EFCAB5: variants seen among roughly 807,000 people sequenced by gnomAD.
EFCAB5 encodes EF-hand calcium-binding domain-containing protein 5.
Under a neutral mutation model 167.9 loss-of-function variants are expected in EFCAB5, and 131 were observed. That is an observed-to-expected ratio of 0.78 (90% CI 0.68 to 0.90). The LOEUF is 0.90. Among genes scored for constraint, EFCAB5 ranks in the 40% least tolerant of loss-of-function variants. The pLI is 0.00. For missense variants in EFCAB5, 1,663 were observed against 1,745.2 expected (o/e 0.95, Z 0.84); for synonymous variants, 574 against 602.8 (o/e 0.95, Z 0.70).
At chr17:29,953,533 C>G (rs1467545609) in intron 3 of EFCAB5, among the ~76,000 whole-genome samples, 1 of 152,164 alleles carries the variant, frequency 6.6e-6, no homozygotes, top group Non-Finnish European at 1.5e-5. Context: ...TACTTGCCAC[C>G]ATGTAAGACC....
intron 17 of EFCAB5, among the ~76,000 whole-genome samples, chr17:30,081,212 T>C (rs190583326): frequency 1.4e-4 from 22 of 152,300 alleles, no homozygotes; most frequent in Admixed American, 1.2e-3. Context: ...ATGTGTCCCA[T>C]AGCATTAATC....
chr17:29,962,787 C>A (rs1374991718), intron 3 of EFCAB5, among the ~76,000 whole-genome samples: 1 of 151,804 alleles, frequency 6.6e-6, no homozygotes, highest in East Asian at 1.9e-4. Context: ...AATTTGGATG[C>A]CTTTTGTTTG....
At chr17:29,941,449 A>C (rs1160427164), upstream of EFCAB5, among the ~76,000 whole-genome samples, 1 of 152,146 alleles carries the variant, frequency 6.6e-6, no homozygotes, top group Non-Finnish European at 1.5e-5. Context: ...TATCTCAAAA[A>C]TTAATGAGGA....
chr17:30,029,169 T>G (rs184803089), intron 7 of EFCAB5, among the ~76,000 whole-genome samples: 13 of 152,320 alleles, frequency 8.5e-5, no homozygotes, highest in Non-Finnish European at 1.5e-4. Context: ...TAAAAGTATG[T>G]TACTACTTTG....
intron 6 of EFCAB5, 48 bp downstream of exon 6, chr17:29,996,408 G>C (rs1465295451): frequency 2.1e-6 from 3 of 1,445,670 alleles, no homozygotes; most frequent in Admixed American, 2.2e-5. Context: ...TTCTTTTTTG[G>C]GTGGGGGACA....
intron 8 of EFCAB5, among the ~76,000 whole-genome samples, chr17:30,049,240 G>A (rs1328392889): frequency 6.6e-6 from 1 of 152,104 alleles, no homozygotes; most frequent in African/African-American, 2.4e-5. Flanking sequence ...TTTTTGCTTT[G>A]GGAGGCTGAG....
At chr17:29,930,481 G>A (rs2067175061) in intron 1 of EFCAB5, among the ~76,000 whole-genome samples, 3 of 152,170 alleles carry the variant, frequency 2.0e-5, no homozygotes, top group Admixed American at 6.5e-5. Context: ...GGGGCCGCTG[G>A]AGTCTTCACT....
chr17:29,988,671 AT>A lies in EFCAB5; in HGVS notation c.768-4493del, dbSNP rs550604480. Among the ~76,000 whole-genome samples, 280 of 152,346 alleles carry A rather than the reference AT, an allele frequency of 1.8e-3. 1 individual carries two copies. The highest frequency in any genetic ancestry group is 6.4e-3 in the African/African-American group (268 of 41,582). On this transcript the variant is annotated intron_variant, in intron 4 of 22. Coordinates refer to ENST00000394835, the MANE Select transcript of EFCAB5 (RefSeq NM_198529.4). ...ATGGGTTTTCCAAGTAAGACTATTTATAAAAGCTTGCTGTATTTGTGCCTTT... is the reference window on the plus strand; with the variant it reads ...ATGGGTTTTCCAAGTAAGACTATTTAAAAAGCTTGCTGTATTTGTGCCTTT...
intron 3 of EFCAB5, among the ~76,000 whole-genome samples, chr17:29,946,260 G>A (rs1343431664): frequency 6.6e-6 from 1 of 151,988 alleles, no homozygotes; most frequent in Non-Finnish European, 1.5e-5. Flanking sequence ...TCAGGAAAAT[G>A]CAAATTAAAA....
At chr17:30,053,073 G>A (rs890940318) in intron 9 of EFCAB5, among the ~76,000 whole-genome samples, 182 bp from the exon 10 acceptor site, 28 of 152,128 alleles carry the variant, frequency 1.8e-4, no homozygotes, top group Non-Finnish European at 2.6e-4. Context: ...AGTAGTATAA[G>A]TTCTTTTGGG....
intron 4 of EFCAB5, among the ~76,000 whole-genome samples, chr17:29,976,018 A>G (rs992175545): frequency 6.6e-6 from 1 of 152,226 alleles, no homozygotes; most frequent in Non-Finnish European, 1.5e-5. Flanking sequence ...AAATACCTTA[A>G]GGAACATTTC....
At chr17:29,936,843 T>C (rs1233406894), upstream of EFCAB5, among the ~76,000 whole-genome samples, 1 of 152,228 alleles carries the variant, frequency 6.6e-6, no homozygotes, top group East Asian at 1.9e-4. Context: ...TCAATATCTC[T>C]GTAGACTATA....
chr17:30,053,184 A>G (rs1382851601), intron 9 of EFCAB5, 71 bp from the exon 10 acceptor site: 24 of 1,494,412 alleles, frequency 1.6e-5, no homozygotes, highest in East Asian at 2.3e-5. Context: ...TTTTCTTTGC[A>G]TTAATTTAAT....
At chr17:30,021,630 A>C (rs1426050815) in intron 7 of EFCAB5, among the ~76,000 whole-genome samples, 2 of 151,928 alleles carry the variant, frequency 1.3e-5, no homozygotes, top group Non-Finnish European at 2.9e-5. Context: ...AACAGCACAC[A>C]ATCAGACACT....
chr17:30,017,577 G>A (rs1406299549), intron 7 of EFCAB5, among the ~76,000 whole-genome samples: 2 of 152,042 alleles, frequency 1.3e-5, no homozygotes, highest in African/African-American at 2.4e-5. Context: ...GGGAATTACC[G>A]AAATTAAACA....
chr17:30,057,947 T>C lies in EFCAB5; in HGVS notation c.2580+57T>C, dbSNP rs2070320354. The C allele has an allele frequency of 2.0e-6, 3 of 1,484,000 alleles. No homozygotes were observed. The African/African-American group carries it at 4.2e-5, about 21-fold the overall frequency. The allele number at this position is 1,484,000 out of a possible 1,614,324, so 91.9% of individuals were successfully genotyped here. On this transcript the variant is annotated intron_variant, in intron 13 of 22. Coordinates refer to ENST00000394835, the MANE Select transcript of EFCAB5 (RefSeq NM_198529.4). ...GAGGTCACTATTATAAGTAAATCTC[T>C]CAACCTCAGTTGCTCCCGATGTGGC...
At chr17:30,103,214 AAT>A (rs1279070222) in intron 22 of EFCAB5, among the ~76,000 whole-genome samples, 2 of 147,916 alleles carry the variant, frequency 1.4e-5, no homozygotes, top group East Asian at 1.9e-4. Flanking sequence ...ATAATTTATA[AAT>A]ATATATATTA....
At chr17:29,930,506 A>G (rs1334195177) in intron 1 of EFCAB5, among the ~76,000 whole-genome samples, 2 of 152,124 alleles carry the variant, frequency 1.3e-5, no homozygotes, top group Non-Finnish European at 2.9e-5. Flanking sequence ...AGAGACAACC[A>G]TTTTATGAGG....
chr17:29,964,824 T>G (rs2067793930), intron 3 of EFCAB5, among the ~76,000 whole-genome samples: 1 of 152,182 alleles, frequency 6.6e-6, no homozygotes, highest in Non-Finnish European at 1.5e-5. Context: ...CTTTATTATT[T>G]TCTTTCTTTT....
Sources: gnomAD v4.1 joint callset for allele counts (sites outside exome capture counted in the v4.1 genomes callset) on GRCh38, gnomAD v4.1.1 for gene constraint, MANE v1.5 for transcripts, NCBI Gene and HGNC (gene_info 2026-07-23, HGNC 2026-07-21) for gene names.